The following CHRNA5 variants were observed in gnomAD, a reference collection of about 807,000 sequenced individuals.
CHRNA5 encodes cholinergic receptor nicotinic alpha 5 subunit, also known as neuronal acetylcholine receptor subunit alpha-5.
CHRNA5 carries 28 observed loss-of-function variants against 41.2 expected under a neutral mutation model. The ratio of observed to expected loss-of-function variants is 0.68; its 90% CI spans 0.50 to 0.93. CHRNA5 has a LOEUF of 0.93. Among genes scored for constraint, CHRNA5 ranks in the 40% least tolerant of loss-of-function variants. CHRNA5 has a pLI of 0.00. For synonymous variants in CHRNA5, 188 were observed against 205.8 expected (o/e 0.91, Z 0.74); for missense variants, 481 against 581.9 (o/e 0.83, Z 1.78).
Position 78,589,788 on chromosome 15 carries a change from A to G in CHRNA5, c.414-17A>G, listed in dbSNP as rs576986903. The G allele has an allele frequency of 1.7e-5, 26 of 1,513,704 alleles. No homozygotes were observed. The South Asian group carries it at 3.1e-4, about 18-fold the overall frequency. The allele number at this position is 1,513,704 out of a possible 1,614,324, so 93.8% of individuals were successfully genotyped here. On this transcript the variant is annotated splice_polypyrimidine_tract_variant and intron_variant, in intron 4 of 5. Coordinates refer to ENST00000299565, the Ensembl canonical transcript of CHRNA5. ...TGTTTAATTTCTGCATTGTTATTTT[A>G]TATGTGTGTATTTTAGTGCAGATGG...
At position 78,586,657 on chromosome 15, in the gene CHRNA5, C is replaced by T; in HGVS notation, c.271C>T (p.Gln91Ter). The stretch of plus-strand genomic sequence containing the variant: ...TTATTTTTTAAAGGATGAGAAAAAT[C>T]AGTTAATGACAACAAACGTCTGGTT... The change falls in exon 3 of 6, where the codon CAG (glutamine) becomes TAG (stop). Residue 91 changes from glutamine (Q) to a stop codon, truncating the protein, a stop_gained. Coordinates refer to ENST00000299565, the Ensembl canonical transcript of CHRNA5. LOFTEE classifies it high-confidence loss of function. 1 of 1,589,840 alleles carries T rather than the reference C, an allele frequency of 6.3e-7. No individual in the cohort carries two copies. Among genetic ancestry groups the T allele is most frequent in the Non-Finnish European group, 8.6e-7 (1 of 1,167,144 alleles).
intron 5 of CHRNA5, among the ~76,000 whole-genome samples, chr15:78,592,057 C>G (rs2053020609): frequency 6.6e-6 from 1 of 152,190 alleles, no homozygotes; most frequent in African/African-American, 2.4e-5. Context: ...GGTGCGGTGG[C>G]TCACGCCTGT....
At chr15:78,594,198 T>C (rs967431073) in exon 6 of CHRNA5, 2 of 152,252 alleles carry the variant, frequency 1.3e-5, no homozygotes, top group Non-Finnish European at 2.9e-5. Flanking sequence ...TAGCTTCCAC[T>C]GTAAAGTCAT....
intron 1 of CHRNA5, among the ~76,000 whole-genome samples, chr15:78,573,970 T>TTTC (rs2052831555): frequency 7.5e-6 from 1 of 132,638 alleles, no homozygotes; most frequent in Non-Finnish European, 1.5e-5. Flanking sequence ...CTAATTTTTT[T>TTTC]TTTTTTTTTT....
intron 2 of CHRNA5, 49 bp downstream of exon 2, chr15:78,581,011 A>G: frequency 6.4e-7 from 1 of 1,572,702 alleles, no homozygotes; most frequent in Non-Finnish European, 8.6e-7. Flanking sequence ...ATTTAGTGAG[A>G]GCCTGGTGTG....
chr15:78,589,679 G>GTA (rs2052992242), intron 4 of CHRNA5, 126 bp from the exon 5 acceptor site: 8 of 729,862 alleles, frequency 1.1e-5, no homozygotes, highest in Middle Eastern at 3.0e-4. Context: ...CTTATCTGAA[G>GTA]TATAGTAATT....
exon 5 of CHRNA5, chr15:78,590,136 C>T: frequency 6.2e-7 from 1 of 1,614,214 alleles, no homozygotes; most frequent in South Asian, 1.1e-5. Flanking sequence ...AATCAAGCGC[C>T]TGCCTCTCTT....
At chr15:78,566,154 A>G (rs1018685083) in intron 1 of CHRNA5, among the ~76,000 whole-genome samples, 4 of 152,086 alleles carry the variant, frequency 2.6e-5, no homozygotes, top group Non-Finnish European at 5.9e-5. Flanking sequence ...TCCTGGTGGC[A>G]GCCAAGCTTC....
chr15:78,586,377 A>G (rs569401765), intron 2 of CHRNA5, among the ~76,000 whole-genome samples: 4 of 152,248 alleles, frequency 2.6e-5, no homozygotes, highest in Admixed American at 6.5e-5. Flanking sequence ...ATATGAGGAA[A>G]TATAGTAGTT....
At chr15:78,578,419 A>G (rs990480562) in intron 1 of CHRNA5, among the ~76,000 whole-genome samples, 1 of 152,218 alleles carries the variant, frequency 6.6e-6, no homozygotes, top group African/African-American at 2.4e-5. Flanking sequence ...GAGACAGAGA[A>G]TCACTTGAAC....
At chr15:78,580,678 C>G in intron 1 of CHRNA5, 133 bp from the exon 2 acceptor site, 1 of 578,540 alleles carries the variant, frequency 1.7e-6, no homozygotes, top group Non-Finnish European at 3.0e-6. Context: ...TCTCCATGGC[C>G]CAGGTTGGAG....
chr15:78,587,752 G>A (rs534380462), intron 3 of CHRNA5, among the ~76,000 whole-genome samples: 17 of 152,070 alleles, frequency 1.1e-4, no homozygotes, highest in Middle Eastern at 3.4e-3. Context: ...GCTGTTGAGC[G>A]CTTCCTTTTG....
At chr15:78,593,561 TTGAC>T (rs71528529) in exon 6 of CHRNA5, 75 of 189,590 alleles carry the variant, frequency 4.0e-4, no homozygotes, top group Non-Finnish European at 6.7e-4. Context: ...AGTTCATCCT[TTGAC>T]TGTGCTGGAG....
intron 1 of CHRNA5, among the ~76,000 whole-genome samples, chr15:78,577,926 C>CAA (rs5813925): frequency 0.56 from 71,594 of 128,546 alleles, 19,428 homozygotes; most frequent in Middle Eastern, 0.73. Flanking sequence ...GACCCTGTCT[C>CAA]AAAAAAAAAA....
chr15:78,589,595 G>A (rs2052991296), intron 4 of CHRNA5: 2 of 471,398 alleles, frequency 4.2e-6, no homozygotes, highest in East Asian at 6.7e-5. Context: ...TGCAGAAGAA[G>A]GGGTTCAGTT....
At chr15:78,582,492 AAAAG>A (rs556512377) in intron 2 of CHRNA5, among the ~76,000 whole-genome samples, 180 of 77,610 alleles carry the variant, frequency 2.3e-3, no homozygotes, top group African/African-American at 6.8e-3. Flanking sequence ...CTCAAAAAAA[AAAAG>A]AAAAGAAAAG....
At chr15:78,566,544 A>C (rs1425699159) in intron 1 of CHRNA5, among the ~76,000 whole-genome samples, 1 of 152,236 alleles carries the variant, frequency 6.6e-6, no homozygotes, top group Admixed American at 6.5e-5. Flanking sequence ...GAAGAAAAAC[A>C]CGTTTGTGGA....
intron 4 of CHRNA5, chr15:78,589,357 A>G (rs958296284): frequency 6.5e-6 from 1 of 153,892 alleles, no homozygotes; most frequent in Admixed American, 6.5e-5. Context: ...TTTCAGGGTC[A>G]TGCCCAGCTT....
At chr15:78,580,416 TA>T (rs1401356252) in intron 1 of CHRNA5, among the ~76,000 whole-genome samples, 2 of 152,130 alleles carry the variant, frequency 1.3e-5, no homozygotes, top group Non-Finnish European at 2.9e-5. Context: ...CCTGGCAATT[TA>T]AAAGCTTTTA....
Sources: allele counts gnomAD v4.1 joint callset (sites outside exome capture counted in the v4.1 genomes callset), GRCh38; gene constraint gnomAD v4.1.1; transcripts MANE v1.5; gene names NCBI Gene and HGNC (gene_info 2026-07-23, HGNC 2026-07-21).